Variants in ROBO2 observed in about 807,000 individuals in gnomAD.
The protein encoded by ROBO2 is roundabout guidance receptor 2, also known as roundabout homolog 2.
ROBO2 carries 53 observed loss-of-function variants against 160.8 expected under a neutral mutation model. The observed-to-expected ratio is 0.33, with a 90% confidence interval of 0.26 to 0.41. ROBO2 has a LOEUF of 0.41. ROBO2 is among the 10% of genes least tolerant of loss of function. ROBO2 has a pLI of 1.00. For missense variants in ROBO2, 1,577 were observed against 1,722.4 expected, an observed-to-expected ratio of 0.92 and a Z score of 1.49; for synonymous variants, 664 against 611.7, an observed-to-expected ratio of 1.09 and a Z score of -1.26.
intron 2 of ROBO2, among the ~76,000 whole-genome samples, chr3:77,162,862 C>T (rs1306597715): frequency 2.0e-5 from 3 of 151,904 alleles, no homozygotes; most frequent in African/African-American, 7.3e-5. Flanking sequence ...TGGAGTCTTG[C>T]TCTGTCTCCC....
intron 2 of ROBO2, among the ~76,000 whole-genome samples, chr3:76,944,287 C>T (rs529403125): frequency 8.8e-4 from 134 of 152,174 alleles, no homozygotes; most frequent in African/African-American, 3.1e-3. Context: ...AAAGATTACA[C>T]TCAAAACAAA....
intron 2 of ROBO2, among the ~76,000 whole-genome samples, chr3:76,602,387 A>G (rs1180949527): frequency 3.3e-5 from 5 of 152,144 alleles, no homozygotes; most frequent in Admixed American, 2.0e-4. Context: ...AATTTAGTGT[A>G]TTCGTTCGTT....
intron 2 of ROBO2, among the ~76,000 whole-genome samples, chr3:77,292,695 G>T (rs1321976421): frequency 7.3e-5 from 7 of 95,630 alleles, no homozygotes; most frequent in Non-Finnish European, 2.1e-4. Flanking sequence ...GTAAGCTGAG[G>T]CTAGATCACC....
At chr3:77,296,609 G>T (rs1205122740) in intron 2 of ROBO2, among the ~76,000 whole-genome samples, 1 of 152,088 alleles carries the variant, frequency 6.6e-6, no homozygotes, top group Admixed American at 6.6e-5. Flanking sequence ...CCTGGACATT[G>T]AGACCTTTAG....
chr3:75,914,700 A>G (rs1190121304), intron 1 of ROBO2, among the ~76,000 whole-genome samples: 1 of 152,210 alleles, frequency 6.6e-6, no homozygotes, highest in Non-Finnish European at 1.5e-5. Context: ...AAAGAACTCT[A>G]CGGATGCGTA....
rs2060288975 is a variant in ROBO2, at chr3:76,984,883, CA to C, written c.110-113130del. Among the ~76,000 whole-genome samples, 8 of 152,064 alleles carry C rather than the reference CA, an allele frequency of 5.3e-5. No homozygotes were observed. In the South Asian group the frequency reaches 1.2e-3, roughly 24 times the overall value. ...TTTTATTATTAATTTTTCAATGATA[CA>C]CAAAAATATATAGCATATATAGGTT... is the stretch of plus-strand genomic sequence containing the variant. On this transcript the variant is annotated intron_variant, in intron 2 of 26. Coordinates refer to the ROBO2 transcript ENST00000487694.
intron 2 of ROBO2, among the ~76,000 whole-genome samples, chr3:77,291,883 G>T (rs1490861014): frequency 6.6e-6 from 1 of 151,146 alleles, no homozygotes; most frequent in African/African-American, 2.4e-5. Context: ...TAAAATTGAT[G>T]GATAAACGGG....
chr3:77,544,440 A>G (rs183838398), intron 6 of ROBO2, among the ~76,000 whole-genome samples: 1 of 152,242 alleles, frequency 6.6e-6, no homozygotes. Flanking sequence ...AGAAAATGTC[A>G]TTTAGTAGAT....
chr3:77,551,500 G>T (rs999726879), intron 8 of ROBO2, among the ~76,000 whole-genome samples: 6 of 151,848 alleles, frequency 4.0e-5, no homozygotes, highest in African/African-American at 1.5e-4. Flanking sequence ...TATTTTTATT[G>T]GCACATATGC....
At chr3:76,326,327 T>C (rs1480903505) in intron 2 of ROBO2, among the ~76,000 whole-genome samples, 1 of 152,158 alleles carries the variant, frequency 6.6e-6, no homozygotes. Flanking sequence ...TTCTACACTC[T>C]AAGAATGTTC....
chr3:76,277,828 T>C (rs1024715048), intron 2 of ROBO2, among the ~76,000 whole-genome samples: 1 of 151,910 alleles, frequency 6.6e-6, no homozygotes, highest in African/African-American at 2.4e-5. Context: ...ATACCAACTT[T>C]ATTGGGTTGA....
intron 2 of ROBO2, among the ~76,000 whole-genome samples, chr3:76,139,766 A>C (rs2071562639): frequency 6.6e-6 from 1 of 152,132 alleles, no homozygotes; most frequent in Admixed American, 6.6e-5. Flanking sequence ...AGGAACCAAT[A>C]TTATTTCTTA....
chr3:76,692,492 A>G (rs970565367), intron 2 of ROBO2, among the ~76,000 whole-genome samples: 3 of 152,130 alleles, frequency 2.0e-5, no homozygotes, highest in African/African-American at 7.2e-5. Flanking sequence ...CATGTTTTCT[A>G]TTCGTCACAA....
chr3:77,382,549 T>C (rs2073640530), intron 2 of ROBO2, among the ~76,000 whole-genome samples: 2 of 152,044 alleles, frequency 1.3e-5, no homozygotes, highest in Non-Finnish European at 2.9e-5. Flanking sequence ...ATGTAGTTTT[T>C]CTCCTTCACC....
chr3:76,870,801 A>G (rs1440797617), intron 2 of ROBO2, among the ~76,000 whole-genome samples: 1 of 139,298 alleles, frequency 7.2e-6, no homozygotes, highest in East Asian at 2.0e-4. Context: ...AAACAACAAA[A>G]CATTAAAAAA....
rs115201714 is a variant in ROBO2, at chr3:77,615,732, A to G, written c.3294-1781A>G. Among the ~76,000 whole-genome samples the G allele has an allele frequency of 3.4e-3, 520 of 152,288 alleles. 6 individuals are homozygous for G. Among genetic ancestry groups the G allele is most frequent in the African/African-American group, 0.012 (502 of 41,558 alleles). On this transcript the variant is annotated intron_variant, in intron 21 of 25. Coordinates refer to ENST00000461745, the Ensembl canonical transcript of ROBO2. ...TGTAATGCAGTTTATTTATCCATCT[A>G]CCTACTGGGAGACATGTTGGTTGCT...
At chr3:75,985,099 A>C (rs2107472960) in intron 2 of ROBO2, among the ~76,000 whole-genome samples, 1 of 151,440 alleles carries the variant, frequency 6.6e-6, no homozygotes, top group South Asian at 2.1e-4. Context: ...ACTCTTCTAA[A>C]AATTGTTATT....
At chr3:77,023,703 C>A (rs2062780895) in intron 2 of ROBO2, among the ~76,000 whole-genome samples, 1 of 152,118 alleles carries the variant, frequency 6.6e-6, no homozygotes, top group Non-Finnish European at 1.5e-5. Flanking sequence ...ACACAGAATT[C>A]TTTTAAAATG....
Position 77,386,603 on chromosome 3 carries a change from A to ATTTTTTTTTTTTTT in ROBO2, c.389-90807_389-90794dup, listed in dbSNP as rs71104679. Among the ~76,000 whole-genome samples the ATTTTTTTTTTTTTT allele has an allele frequency of 2.1e-3, 194 of 91,868 alleles. 16 individuals carry two copies. The highest frequency in any genetic ancestry group is 6.4e-3 in the African/African-American group (174 of 27,122). 60.3% of individuals were successfully genotyped at this position (91,868 alleles called of 152,430 possible). On this transcript the variant is annotated intron_variant, in intron 2 of 25. Transcript: ENST00000461745. ...AGTTAATTATTTTTTCAGCCAGGTAATTTTTTTTTTTTTTTTTGAAATAGA... is the reference window on the plus strand; with the variant it reads ...AGTTAATTATTTTTTCAGCCAGGTAATTTTTTTTTTTTTTTTTTTTTTTTTTTTTTTGAAATAGA...
Sources: allele counts gnomAD v4.1 joint callset (sites outside exome capture counted in the v4.1 genomes callset), GRCh38; gene constraint gnomAD v4.1.1; transcripts MANE v1.5; gene names NCBI Gene and HGNC (gene_info 2026-07-23, HGNC 2026-07-21).